GPR137: variants seen among roughly 807,000 people sequenced by gnomAD.
GPR137 encodes G protein-coupled receptor 137.
In GPR137, 20 loss-of-function variants were observed where a neutral mutation model predicts 38.9. That is an observed-to-expected ratio of 0.51 (90% CI 0.36 to 0.75). GPR137 has a LOEUF of 0.75. Among genes scored for constraint, GPR137 ranks in the 30% least tolerant of loss-of-function variants. GPR137 has a pLI of 0.00. For synonymous variants in GPR137, 226 were observed against 235.8 expected (o/e 0.96, Z 0.38); for missense variants, 456 against 526.4 (o/e 0.87, Z 1.31).
At chr11:64,285,244 C>T (rs2033817910), upstream of GPR137, 1 of 987,248 alleles carries the variant, frequency 1.0e-6, no homozygotes, top group Non-Finnish European at 1.2e-6. Context: ...CGCGCCATCT[C>T]GGGGGCACTG....
At chr11:64,277,041 T>A in intron 2 of GPR137, 1 of 713,786 alleles carries the variant, frequency 1.4e-6, no homozygotes, top group East Asian at 2.7e-5. Flanking sequence ...TACGAAGTTC[T>A]CCCTGTTTTA....
rs1175880990 is a variant in GPR137 at position 64,288,998 on chromosome 11, G to A, written c.1032-39G>A. ...CTGCAGCTCTTGTGACTGTGGCCCT[G>A]GTCACTGTCCTGAGACTGACCCTGT... On this transcript the variant is annotated intron_variant, in intron 6 of 6. Transcript: ENST00000438980. This position sits in a 1 kb window ranked among gnomAD's most constrained non-coding sequence, Gnocchi z 5.5. 1.3e-6 allele frequency: 2 copies of A among 1,486,194 alleles called. No individual in the cohort carries two copies. The highest frequency in any genetic ancestry group is 2.8e-5 in the African/African-American group (2 of 71,938). The allele number at this position is 1,486,194 out of a possible 1,614,324, so 92.1% of individuals were successfully genotyped here. A position where few individuals can be genotyped will look rare whatever the true frequency, so the allele number is the denominator to read the frequency against.
At position 64,288,360 on chromosome 11, in the gene GPR137, G is replaced by A. The variant is rs899923270; in HGVS notation, c.804G>A (p.Leu268=). ...CACAGGCGGACCTGGTGAATGACCT[G>A]GGGAACAAAGGCTACCTGGTATTTG... ...VSDQADLVND[L]GNKGYLVFGL... Residue 268 remains leucine (L), a synonymous_variant, in exon 5 of 7, where the codon CTG becomes CTA. Transcript: ENST00000438980. This position sits in a 1 kb window ranked among gnomAD's most constrained non-coding sequence, Gnocchi z 5.5. The A allele has an allele frequency of 1.2e-6, 2 of 1,613,764 alleles. No homozygotes were observed. Among genetic ancestry groups the A allele is most frequent in the African/African-American group, 1.3e-5 (1 of 74,926 alleles).
At position 64,287,722 on chromosome 11, in the gene GPR137, C is replaced by T; in HGVS notation, c.409C>T (p.Leu137Phe). 3 of 1,603,800 alleles carry T rather than the reference C, an allele frequency of 1.9e-6. No homozygotes were observed. The South Asian group carries it at 3.3e-5, about 18-fold the overall frequency. ...GCGCTGACTGTGCTGTGGCTGCAGG[C>T]TCGCTGTCCGAGGGGCCTTTGTGGG... ...KRRPEMSRGL[L>F]AVRGAFVGAS... Residue 137 changes from leucine (L) to phenylalanine (F), a missense_variant and splice_region_variant, in exon 3 of 7, where the codon CTC (leucine) becomes TTC (phenylalanine). Physicochemically the swap from Leu to Phe is conservative, Grantham distance 22. Coordinates refer to ENST00000438980, the MANE Select transcript of GPR137 (RefSeq NM_001170880.2).
At chr11:64,285,271 C>G, upstream of GPR137, 3 of 986,170 alleles carry the variant, frequency 3.0e-6, no homozygotes, top group Non-Finnish European at 3.6e-6. Context: ...AGGAAAGGAA[C>G]CTCCTCCCTG....
At chr11:64,272,159 A>T (rs1199296064), upstream of GPR137, among the ~76,000 whole-genome samples, 2 of 152,162 alleles carry the variant, frequency 1.3e-5, no homozygotes, top group East Asian at 3.9e-4. Context: ...TCTCTACTCA[A>T]AACACAAAAA....
chr11:64,275,296 G>T (rs1390707668), upstream of GPR137, among the ~76,000 whole-genome samples: 1 of 152,210 alleles, frequency 6.6e-6, no homozygotes, highest in Non-Finnish European at 1.5e-5. Flanking sequence ...GCCGGGAACA[G>T]AAGGGGCACT....
chr11:64,274,731 G>A (rs2032923517), upstream of GPR137, among the ~76,000 whole-genome samples: 2 of 151,650 alleles, frequency 1.3e-5, no homozygotes, highest in African/African-American at 4.8e-5. Context: ...TGAGGCGGGA[G>A]AATCACTTGA....
rs954643820 is a variant in GPR137, at chr11:64,286,359, GTC to G, written c.-160_-159del. ...CTGCCTGTGTTCCCCAAGGGCAAGG[GTC>G]TCTCTGTTGAGGAGGAGGGGCCTGT... On this transcript the variant is annotated 5_prime_UTR_variant, in exon 1 of 7. An upstream open reading frame in the 5' UTR loses its in-frame stop. Transcript: ENST00000438980. The G allele has an allele frequency of 2.8e-5, 40 of 1,412,018 alleles. No homozygotes were observed. In the East Asian group the frequency reaches 4.2e-4, roughly 15 times the overall value. 87.5% of individuals were successfully genotyped at this position (1,412,018 alleles called of 1,614,324 possible).
At chr11:64,280,293 C>T (rs1467348271), upstream of GPR137, among the ~76,000 whole-genome samples, 1 of 145,750 alleles carries the variant, frequency 6.9e-6, no homozygotes, top group Non-Finnish European at 1.5e-5. Context: ...GCACTCCAGC[C>T]TGGGCGACAG....
upstream of GPR137, among the ~76,000 whole-genome samples, chr11:64,282,206 C>T (rs969818511): frequency 1.3e-5 from 2 of 152,200 alleles, no homozygotes; most frequent in Non-Finnish European, 2.9e-5. Context: ...ACGGTGAGCA[C>T]TCACTGTGTG....
At position 64,285,859 on chromosome 11, in the gene GPR137, A is replaced by G. The variant is rs1384242689; in HGVS notation, c.-666A>G. ...AGGGGGAGGGGGGCGGAGCAGCGGG[A>G]GCCGGGGAGCCGGAGCCCCGGGTCC... is the stretch of plus-strand genomic sequence containing the variant. On this transcript the variant is annotated 5_prime_UTR_variant, in exon 1 of 7. Coordinates refer to ENST00000438980, the MANE Select transcript of GPR137 (RefSeq NM_001170880.2). 7.3e-5 allele frequency: 72 copies of G among 982,802 alleles called. No individual in the cohort carries two copies. Among genetic ancestry groups the G allele is most frequent in the Non-Finnish European group, 7.7e-5 (64 of 827,828 alleles). 60.9% of individuals were successfully genotyped at this position (982,802 alleles called of 1,614,324 possible).
In GPR137 at chr11:64,289,132, T is replaced by C. The variant is rs951153328; in HGVS notation, c.1127T>C (p.Leu376Pro). 3 of 1,613,484 alleles carry C rather than the reference T, an allele frequency of 1.9e-6. No individual in the cohort carries two copies. Among genetic ancestry groups the C allele is most frequent in the Non-Finnish European group, 2.5e-6 (3 of 1,179,846 alleles). The part of the protein sequence containing the change: ...GGSQTKTTPL[L>P]FSQVPGPGGH... ...AGCCAGACGAAGACCACTCCTCTGC[T>C]CTTCTCCCAGGTGCCAGGACCAGGC... Residue 376 changes from leucine to proline, a missense_variant, in exon 7 of 7, where the codon CTC becomes CCC. By Grantham distance (98) the Leu-to-Pro change is moderately conservative. Coordinates refer to ENST00000438980, the MANE Select transcript of GPR137 (RefSeq NM_001170880.2).
In GPR137 at chr11:64,288,850, TGTACTA is replaced by T. The variant is rs1463264885; in HGVS notation, c.1031+131_1031+136del. The T allele has an allele frequency of 7.6e-6, 11 of 1,438,596 alleles. No individual in the cohort carries two copies. Among genetic ancestry groups the T allele is most frequent in the Non-Finnish European group, 1.0e-5 (11 of 1,100,996 alleles). 89.1% of individuals were successfully genotyped at this position (1,438,596 alleles called of 1,614,324 possible). On this transcript the variant is annotated intron_variant, in intron 6 of 6. Coordinates refer to ENST00000438980, the MANE Select transcript of GPR137 (RefSeq NM_001170880.2). The surrounding 1 kb of genome is among the most constrained non-coding windows in gnomAD (Gnocchi z 5.5). ...CTGCCATGGCCTTTGCTTCCCCATCTGTACTAGGTGAGGTCCCCTGGGTTCCTATTG... is the reference window on the plus strand; with the variant it reads ...CTGCCATGGCCTTTGCTTCCCCATCTGGTGAGGTCCCCTGGGTTCCTATTG...
chr11:64,288,171 G>A lies in GPR137; in HGVS notation c.740G>A (p.Arg247Gln), dbSNP rs202166109. The A allele has an allele frequency of 9.2e-5, 149 of 1,613,046 alleles. No homozygotes were observed. Among genetic ancestry groups the A allele is most frequent in the African/African-American group, 5.3e-5 (4 of 74,910 alleles). Residue 247 changes from arginine (R) to glutamine (Q), a missense_variant, in exon 4 of 7, where the codon CGG (arginine) becomes CAG (glutamine). Transcript: ENST00000438980. The surrounding 1 kb of genome is among the most constrained non-coding windows in gnomAD (Gnocchi z 5.5). ...GCACTGGCCTTGGCCCCCCAGAGCC[G>A]GCTGGACACCTTCGATTACGACTGG... ...LTALALAPQS[R>Q]LDTFDYDWYN...
At position 64,285,901 on chromosome 11, in the gene GPR137, C is replaced by T. The variant is rs1284132868; in HGVS notation, c.-624C>T. The T allele has an allele frequency of 1.1e-5, 11 of 971,874 alleles. No individual in the cohort carries two copies. Among genetic ancestry groups the T allele is most frequent in the African/African-American group, 3.5e-5 (2 of 56,980 alleles). 60.2% of individuals were successfully genotyped at this position (971,874 alleles called of 1,614,324 possible). On this transcript the variant is annotated 5_prime_UTR_variant, in exon 1 of 7. Coordinates refer to ENST00000438980, the MANE Select transcript of GPR137 (RefSeq NM_001170880.2). The stretch of plus-strand genomic sequence containing the variant: ...CCCGGGTCCCCACGACCTGAGCCGG[C>T]TCTCCCATCAGCGGCCTGAGGACCT...
At chr11:64,276,570 A>C (rs2033081587) in intron 2 of GPR137, 1 of 196,658 alleles carries the variant, frequency 5.1e-6, no homozygotes, top group Non-Finnish European at 1.0e-5. Flanking sequence ...CAGGCAATCC[A>C]AGTGCCTCGG....
upstream of GPR137, chr11:64,272,615 C>G (rs575144072): frequency 4.6e-5 from 7 of 152,370 alleles, no homozygotes; most frequent in East Asian, 9.6e-4. Context: ...GGTGCACTTA[C>G]GTGTAGGCCG....
chr11:64,286,583 C>G lies in GPR137; in HGVS notation c.59C>G (p.Pro20Arg). 6.2e-7 allele frequency: 1 copy of G among 1,613,892 alleles called. No individual in the cohort carries two copies. The part of the protein sequence containing the change: ...PAAGLVPALP[P>R]AVTLGLTAAY... ...GCCGGGCTGGTGCCTGCGCTGCCAC[C>G]TGCTGTGACCCTGGGGCTGACAGCT... Residue 20 changes from proline to arginine, a missense_variant, in exon 1 of 7, where the codon CCT (proline) becomes CGT (arginine). Pro to Arg is a moderately radical substitution (Grantham distance 103). Transcript: ENST00000438980.
Sources: allele counts gnomAD v4.1 joint callset (sites outside exome capture counted in the v4.1 genomes callset), GRCh38; gene constraint gnomAD v4.1.1; non-coding constraint Gnocchi (gnomAD v3.1); transcripts MANE v1.5; gene names NCBI Gene and HGNC (gene_info 2026-07-23, HGNC 2026-07-21).